The following GNB4 variants were observed in gnomAD, a reference collection of about 807,000 sequenced individuals.
GNB4 encodes guanine nucleotide-binding protein subunit beta-4.
Under a neutral mutation model 45.2 loss-of-function variants are expected in GNB4, and 28 were observed. That is an observed-to-expected ratio of 0.62 (90% confidence interval 0.46 to 0.85). The LOEUF (loss-of-function observed/expected upper bound fraction) is 0.85, where lower values mean the gene tolerates loss of function less well. GNB4 is among the 40% of genes least tolerant of loss of function. The probability of loss-of-function intolerance (pLI) is 0.00; values close to 1 mark genes in which losing one functional copy is unlikely to be tolerated. For missense variants in GNB4, 321 were observed against 425.4 expected, an observed-to-expected ratio of 0.75 and a Z score of 2.16; for synonymous variants, 132 against 143.7, an observed-to-expected ratio of 0.92 and a Z score of 0.58.
At chr3:179,462,987 T>TGG in the GNB4 span, among the ~76,000 whole-genome samples, 12 of 151,876 alleles carry the variant, frequency 7.9e-5, no homozygotes, top group Middle Eastern at 0.01. Context: ...CAAGAGCTAA[T>TGG]GAAGAAAAAA....
At chr3:179,503,113 C>T in the GNB4 span, among the ~76,000 whole-genome samples, 4 of 152,168 alleles carry the variant, frequency 2.6e-5, no homozygotes, top group African/African-American at 9.7e-5. Flanking sequence ...GGGGTGAGCC[C>T]CTGTGCCCAG....
chr3:179,517,326 T>G, the GNB4 span, among the ~76,000 whole-genome samples: 2 of 152,096 alleles, frequency 1.3e-5, no homozygotes, highest in African/African-American at 4.8e-5. Context: ...ACTGTAATTT[T>G]CCTTTACCTA....
the GNB4 span, among the ~76,000 whole-genome samples, chr3:179,476,682 A>C: frequency 6.6e-6 from 1 of 152,202 alleles, no homozygotes; most frequent in Non-Finnish European, 1.5e-5. Flanking sequence ...AGGTGGAGAA[A>C]GCCATGTCCC....
intron 1 of GNB4, among the ~76,000 whole-genome samples, chr3:179,449,605 C>T (rs1715818853): frequency 6.6e-6 from 1 of 152,174 alleles, no homozygotes; most frequent in Non-Finnish European, 1.5e-5. Flanking sequence ...TACTTAAAAC[C>T]TCACAGACAA....
At chr3:179,444,090 A>T (rs1308811121) in intron 1 of GNB4, among the ~76,000 whole-genome samples, 1 of 152,224 alleles carries the variant, frequency 6.6e-6, no homozygotes, top group Non-Finnish European at 1.5e-5. Context: ...AATCTGTCTC[A>T]TCATTTCTAA....
intron 1 of GNB4, among the ~76,000 whole-genome samples, chr3:179,447,346 T>TAA (rs33953450): frequency 0.099 from 11,992 of 121,284 alleles, 771 homozygotes; most frequent in Non-Finnish European, 0.13. Context: ...ATCATGGTAT[T>TAA]AAAAAAAAAA....
At chr3:179,433,619 A>G (rs921186664) in intron 1 of GNB4, among the ~76,000 whole-genome samples, 9 of 131,454 alleles carry the variant, frequency 6.8e-5, no homozygotes, top group South Asian at 4.7e-4. Context: ...CTAACGGTGG[A>G]AAAAAAAAAA....
At chr3:179,404,476 A>G (rs1361376974) in intron 9 of GNB4, among the ~76,000 whole-genome samples, 1 of 152,160 alleles carries the variant, frequency 6.6e-6, no homozygotes, top group Non-Finnish European at 1.5e-5. Context: ...CCAGAGGCTG[A>G]GGCGGGAAGA....
At chr3:179,513,157 A>C in the GNB4 span, among the ~76,000 whole-genome samples, 2 of 151,700 alleles carry the variant, frequency 1.3e-5, no homozygotes, top group South Asian at 4.2e-4. Context: ...TTCAATACTA[A>C]AGAAAGGATA....
At chr3:179,433,618 G>GAA (rs1363827459) in intron 1 of GNB4, among the ~76,000 whole-genome samples, 8 of 108,050 alleles carry the variant, frequency 7.4e-5, no homozygotes, top group African/African-American at 2.3e-4. Flanking sequence ...TCTAACGGTG[G>GAA]AAAAAAAAAA....
At position 179,401,322 on chromosome 3, in the gene GNB4, GA is replaced by G. The variant is rs764075662; in HGVS notation, c.917-4del. ...GTTGTCATGACCAGCAAGGACACCT[GA>G]AAAAAAAATTCAGTAAAAAATTGGC... On this transcript the variant is annotated splice_region_variant and splice_polypyrimidine_tract_variant and intron_variant, in intron 9 of 9. Coordinates refer to ENST00000232564, the MANE Select transcript of GNB4 (RefSeq NM_021629.4). 73 of 1,586,640 alleles carry G rather than the reference GA, an allele frequency of 4.6e-5. No individual in the cohort carries two copies. Among genetic ancestry groups the G allele is most frequent in the Admixed American group, 1.9e-4 (11 of 56,690 alleles).
chr3:179,499,201 A>G, the GNB4 span, among the ~76,000 whole-genome samples: 1 of 130,706 alleles, frequency 7.7e-6, no homozygotes, highest in Non-Finnish European at 1.6e-5. Context: ...TCTGTCACCC[A>G]GGCTAGAGTG....
the GNB4 span, among the ~76,000 whole-genome samples, chr3:179,468,356 G>C: frequency 5.9e-3 from 891 of 151,978 alleles, 14 homozygotes; most frequent in African/African-American, 0.021. Context: ...TTAGCCAGGC[G>C]TGGTGGCGCT....
At chr3:179,498,640 G>A in the GNB4 span, among the ~76,000 whole-genome samples, 2 of 151,974 alleles carry the variant, frequency 1.3e-5, no homozygotes, top group Non-Finnish European at 2.9e-5. Context: ...TCACCATGTT[G>A]GTCAGGCTGG....
the GNB4 span, among the ~76,000 whole-genome samples, chr3:179,489,509 T>C: frequency 6.6e-6 from 1 of 152,080 alleles, no homozygotes; most frequent in Admixed American, 6.6e-5. Flanking sequence ...GGCATGGTTG[T>C]ACATGTCTAT....
the GNB4 span, among the ~76,000 whole-genome samples, chr3:179,498,811 G>C: frequency 7.1e-6 from 1 of 141,600 alleles, no homozygotes; most frequent in Non-Finnish European, 1.5e-5. Context: ...TACATGTGCA[G>C]AACGTGCAGG....
intron 1 of GNB4, among the ~76,000 whole-genome samples, chr3:179,442,214 G>A (rs949976041): frequency 6.6e-6 from 1 of 152,284 alleles, no homozygotes. Context: ...ATGTTTATGA[G>A]AATGTGGCTG....
At chr3:179,426,774 T>A (rs1715158340) in intron 1 of GNB4, among the ~76,000 whole-genome samples, 1 of 152,220 alleles carries the variant, frequency 6.6e-6, no homozygotes, top group Admixed American at 6.5e-5. Flanking sequence ...ATCCAGGTTC[T>A]AATTCTGATT....
chr3:179,424,126 G>A (rs2108600815), intron 2 of GNB4, among the ~76,000 whole-genome samples: 1 of 152,352 alleles, frequency 6.6e-6, no homozygotes, highest in African/African-American at 2.4e-5. Context: ...TCTGAATCCT[G>A]GATCTGTTAC....
Sources: gnomAD v4.1 joint callset for allele counts (sites outside exome capture counted in the v4.1 genomes callset) on GRCh38, gnomAD v4.1.1 for gene constraint, MANE v1.5 for transcripts, NCBI Gene and HGNC (gene_info 2026-07-23, HGNC 2026-07-21) for gene names.